The following GALNT13 variants were observed in gnomAD, a reference collection of about 807,000 sequenced individuals.
The protein encoded by GALNT13 is polypeptide N-acetylgalactosaminyltransferase 13.
GALNT13 carries 28 observed loss-of-function variants against 64.2 expected under a neutral mutation model. That is an observed-to-expected ratio of 0.44 (90% confidence interval 0.32 to 0.60). GALNT13 has a LOEUF of 0.60. Ranked by LOEUF, GALNT13 falls within the 20% of genes least tolerant of loss-of-function variation. The pLI is 0.05. For missense variants in GALNT13, 577 were observed against 669.8 expected (o/e 0.86, Z 1.53); for synonymous variants, 214 against 224.6 (o/e 0.95, Z 0.42).
chr2:153,088,464 A>G, the GALNT13 span, among the ~76,000 whole-genome samples: 1 of 152,060 alleles, frequency 6.6e-6, no homozygotes, highest in South Asian at 2.1e-4. Context: ...TGTTCTGTAG[A>G]TGTCTAAGTC....
the GALNT13 span, among the ~76,000 whole-genome samples, chr2:153,072,767 A>G: frequency 4.6e-5 from 7 of 152,142 alleles, no homozygotes; most frequent in Admixed American, 4.6e-4. Flanking sequence ...TAATATTCCC[A>G]ATTAGTGATG....
the GALNT13 span, among the ~76,000 whole-genome samples, chr2:153,150,324 T>G: frequency 1.2e-4 from 3 of 25,526 alleles, no homozygotes; most frequent in Admixed American, 1.3e-3. Context: ...GGGTTGTTTG[T>G]TTTTTTTCTT....
the GALNT13 span, among the ~76,000 whole-genome samples, chr2:153,555,491 GC>G: frequency 9.6e-6 from 1 of 104,604 alleles, no homozygotes. Flanking sequence ...ACCGCGCCCG[GC>G]CCAGAAGCTT....
intron 3 of GALNT13, among the ~76,000 whole-genome samples, chr2:154,002,382 A>G (rs1297360044): frequency 6.6e-6 from 1 of 151,376 alleles, no homozygotes; most frequent in African/African-American, 2.4e-5. Context: ...CTCATTGGAT[A>G]AATTTGTGTG....
chr2:153,816,823 T>C, the GALNT13 span, among the ~76,000 whole-genome samples: 3 of 152,214 alleles, frequency 2.0e-5, no homozygotes, highest in Non-Finnish European at 4.4e-5. Flanking sequence ...CAGTAAATAA[T>C]GGTAATATGT....
chr2:153,183,384 A>T, the GALNT13 span, among the ~76,000 whole-genome samples: 9 of 152,116 alleles, frequency 5.9e-5, no homozygotes, highest in Middle Eastern at 3.4e-3. Context: ...CCTTTGTCAG[A>T]TGGATAGATT....
chr2:153,344,324 T>C, the GALNT13 span, among the ~76,000 whole-genome samples: 2 of 152,340 alleles, frequency 1.3e-5, no homozygotes, highest in South Asian at 2.1e-4. Flanking sequence ...CCTCTTAGTC[T>C]TCAGTCTTCC....
chr2:153,802,388 A>T, the GALNT13 span, among the ~76,000 whole-genome samples: 4 of 152,134 alleles, frequency 2.6e-5, no homozygotes, highest in African/African-American at 9.7e-5. Context: ...TCATTTTAGG[A>T]TATTTGGTTT....
intron 4 of GALNT13, among the ~76,000 whole-genome samples, chr2:154,227,544 T>C (rs1422828761): frequency 7.2e-6 from 1 of 139,176 alleles, no homozygotes; most frequent in Non-Finnish European, 1.5e-5. Context: ...TGTGTTCTCA[T>C]TGTTTAATTC....
chr2:153,824,928 T>C, the GALNT13 span, among the ~76,000 whole-genome samples: 27 of 152,298 alleles, frequency 1.8e-4, no homozygotes, highest in Admixed American at 8.5e-4. Context: ...TCCCCAGCCA[T>C]GCCTTCCGTA....
At chr2:153,308,579 G>A in the GALNT13 span, among the ~76,000 whole-genome samples, 2 of 152,060 alleles carry the variant, frequency 1.3e-5, no homozygotes, top group African/African-American at 4.8e-5. Flanking sequence ...GGGAGTAAAG[G>A]GCTTGAGGTT....
In GALNT13 at chr2:154,237,243, T is replaced by C. The variant is rs191616542; in HGVS notation, c.312-4787T>C. Among the ~76,000 whole-genome samples the C allele has an allele frequency of 2.0e-5, 3 of 151,942 alleles. 1 individual carries two copies. The East Asian group carries it at 5.8e-4, about 29-fold the overall frequency. On this transcript the variant is annotated intron_variant, in intron 4 of 12. Coordinates refer to ENST00000392825, the MANE Select transcript of GALNT13 (RefSeq NM_052917.4). The stretch of plus-strand genomic sequence containing the variant: ...AGCATATACCAAAGAATGTCTACCA[T>C]ACATTTCAGATGAGACCTTTGAGAT...
At chr2:153,254,800 G>C in the GALNT13 span, among the ~76,000 whole-genome samples, 19 of 152,156 alleles carry the variant, frequency 1.2e-4, no homozygotes, top group Non-Finnish European at 4.4e-5. Flanking sequence ...TCTTAATCCT[G>C]AGTTCTAGTT....
the GALNT13 span, among the ~76,000 whole-genome samples, chr2:153,522,395 C>T: frequency 1.3e-5 from 2 of 151,776 alleles, no homozygotes; most frequent in Non-Finnish European, 2.9e-5. Flanking sequence ...AGAAGTGAGG[C>T]ACAAAACTAA....
intron 3 of GALNT13, among the ~76,000 whole-genome samples, chr2:154,132,392 T>C (rs1288286706): frequency 6.6e-6 from 1 of 152,238 alleles, no homozygotes; most frequent in Non-Finnish European, 1.5e-5. Context: ...ATAATCCTTT[T>C]TTTTTACTTA....
chr2:154,011,188 G>A (rs960505066), intron 3 of GALNT13, among the ~76,000 whole-genome samples: 5 of 151,644 alleles, frequency 3.3e-5, no homozygotes, highest in African/African-American at 1.2e-4. Flanking sequence ...GTTAGGTTAG[G>A]TTGTCAATTT....
intron 6 of GALNT13, among the ~76,000 whole-genome samples, chr2:154,243,980 G>A (rs1689635813): frequency 6.6e-6 from 1 of 152,132 alleles, no homozygotes; most frequent in Middle Eastern, 3.2e-3. Context: ...ATAGAGTGTT[G>A]TACATGGCTA....
At chr2:154,016,968 G>T (rs1408622592) in intron 3 of GALNT13, among the ~76,000 whole-genome samples, 1 of 152,096 alleles carries the variant, frequency 6.6e-6, no homozygotes, top group Non-Finnish European at 1.5e-5. Context: ...TTTCTGAGGG[G>T]CTGGGTAAGA....
rs1320016512 is a variant in GALNT13, at chr2:154,301,513, C to T, written c.1080C>T (p.Val360=). ...CTTTTCCTGGTGGCACTGGTCATGTCATCAACAAGAACAACAGGAGACTGG... is the reference window on the plus strand; with the variant it reads ...CTTTTCCTGGTGGCACTGGTCATGTTATCAACAAGAACAACAGGAGACTGG... ...PYTFPGGTGH[V]INKNNRRLAE... is the part of the protein sequence containing the mutation. The change falls in exon 9 of 13, where the codon GTC becomes GTT. Residue 360 remains valine (V), a synonymous_variant. Coordinates refer to ENST00000392825, the MANE Select transcript of GALNT13 (RefSeq NM_052917.4). The T allele has an allele frequency of 1.2e-6, 2 of 1,613,466 alleles. No homozygotes were observed. Among genetic ancestry groups the T allele is most frequent in the East Asian group, 2.2e-5 (1 of 44,846 alleles).
Sources: gnomAD v4.1 joint callset for allele counts (sites outside exome capture counted in the v4.1 genomes callset) on GRCh38, gnomAD v4.1.1 for gene constraint, MANE v1.5 for transcripts, NCBI Gene and HGNC (gene_info 2026-07-23, HGNC 2026-07-21) for gene names.